CLEC4M: variants seen among roughly 807,000 people sequenced by gnomAD.
The protein encoded by CLEC4M is C-type lectin domain family 4 member M, also known as CD209 antigen-like protein 1.
Under a neutral mutation model 39.1 loss-of-function variants are expected in CLEC4M, and 25 were observed. The ratio of observed to expected loss-of-function variants is 0.64; its 90% CI spans 0.47 to 0.89. The LOEUF is 0.89. Ranked by LOEUF, CLEC4M falls within the 40% of genes least tolerant of loss-of-function variation. The probability of loss-of-function intolerance (pLI) is 0.00; values close to 1 mark genes in which losing one functional copy is unlikely to be tolerated. For synonymous variants in CLEC4M, 155 were observed against 177.4 expected (o/e 0.87, Z 1.00); for missense variants, 353 against 431.4 (o/e 0.82, Z 1.61).
rs1005146414 is a variant in CLEC4M at position 7,767,843 on chromosome 19, C to T, written c.1049+215C>T. ...CCAGCAGAGCTGCAGGAGGAGCTTG[C>T]CCTGTGGGTAGGTGTGTTAAAATAC... On this transcript the variant is annotated intron_variant, in intron 6 of 6. Coordinates refer to ENST00000327325, the MANE Select transcript of CLEC4M (RefSeq NM_014257.5). 10 of 535,342 alleles carry T rather than the reference C, an allele frequency of 1.9e-5. No homozygotes were observed. In the Admixed American group the frequency reaches 2.5e-4, roughly 13 times the overall value. The allele number at this position is 535,342 out of a possible 1,614,324, so 33.2% of individuals were successfully genotyped here. A position where few individuals can be genotyped will look rare whatever the true frequency, so the allele number is the denominator to read the frequency against.
At chr19:7,764,922 T>G (rs903757912) in intron 2 of CLEC4M, among the ~76,000 whole-genome samples, 2 of 151,912 alleles carry the variant, frequency 1.3e-5, no homozygotes, top group Non-Finnish European at 2.9e-5. Flanking sequence ...ACTGGGGAGG[T>G]GGACGCAGGT....
At chr19:7,765,529 G>T (rs999398089) in intron 3 of CLEC4M, 109 bp from the exon 4 acceptor site, 17 of 1,522,938 alleles carry the variant, frequency 1.1e-5, no homozygotes, top group Non-Finnish European at 1.5e-5. Context: ...CTTCAAAGGG[G>T]ATTAACTGAG....
Position 7,766,700 on chromosome 19 carries a change from G to C in CLEC4M, c.829G>C (p.Gly277Arg). ...TCCCAAGGACTGGACATTCTTCCAA[G>C]GAAACTGTTACTTCATGTCTAACTC... ...HCPKDWTFFQ[G>R]NCYFMSNSQR... The change falls in exon 5 of 7, where the codon GGA becomes CGA. Residue 277 changes from glycine (G) to arginine (R), a missense_variant. Transcript: ENST00000327325. The C allele has an allele frequency of 6.2e-7, 1 of 1,614,254 alleles. No homozygotes were observed. Among genetic ancestry groups the C allele is most frequent in the Non-Finnish European group, 8.5e-7 (1 of 1,180,042 alleles).
chr19:7,765,338 G>T lies in CLEC4M; in HGVS notation c.214+70G>T, dbSNP rs1599509389. ...TTTGGCTATGAACAGAGCCTGGAGT[G>T]GCCAGGTCTGGGAGGGAGGTGGGAC... On this transcript the variant is annotated intron_variant, in intron 3 of 6. Transcript: ENST00000327325. 1.9e-6 allele frequency: 3 copies of T among 1,553,142 alleles called. No homozygotes were observed. The East Asian group carries it at 6.7e-5, about 35-fold the overall frequency.
rs201740080 is a variant in CLEC4M, at chr19:7,768,947, T to C, written c.1159T>C (p.Trp387Arg). ...NDNRCDVDNYWICKKPAACFR... is the reference protein window; with the variant it reads ...NDNRCDVDNYRICKKPAACFR... ...CAATCGATGTGACGTTGACAATTAC[T>C]GGATCTGCAAAAAGCCCGCAGCCTG... Residue 387 changes from tryptophan (W) to arginine (R), a missense_variant, in exon 7 of 7, where the codon TGG becomes CGG. By Grantham distance (101) the Trp-to-Arg change is moderately radical (BLOSUM62 -3). Transcript: ENST00000327325. 2.5e-4 allele frequency: 396 copies of C among 1,614,048 alleles called. No homozygotes were observed. Among genetic ancestry groups the C allele is most frequent in the Non-Finnish European group, 3.0e-4 (352 of 1,180,010 alleles).
chr19:7,763,531 G>C, intron 2 of CLEC4M, 55 bp downstream of exon 2: 2 of 1,474,660 alleles, frequency 1.4e-6, no homozygotes, highest in Non-Finnish European at 9.4e-7. Flanking sequence ...AGACCCCTGG[G>C]TCCTGGGGAG....
intron 3 of CLEC4M, 48 bp from the exon 4 acceptor site, chr19:7,765,579 TCAGGGCTTGGC>T: frequency 4.4e-6 from 7 of 1,608,410 alleles, no homozygotes; most frequent in Non-Finnish European, 5.9e-6. Flanking sequence ...GGGGCTCAGT[TCAGGGCTTGGC>T]ACACAGTAGG....
In CLEC4M at chr19:7,766,187, C is replaced by G; in HGVS notation, c.764C>G (p.Thr255Ser). 3 of 1,614,210 alleles carry G rather than the reference C, an allele frequency of 1.9e-6. No individual in the cohort carries two copies. The highest frequency in any genetic ancestry group is 2.5e-6 in the Non-Finnish European group (3 of 1,180,030). ...SKQQQIYQEL[T>S]DLKTAFERLC... is the part of the protein sequence containing the mutation. Reference sequence around the variant, plus strand: ...CAGCAGCAAATCTATCAAGAACTGACCGATTTGAAGACTGCATTTGGTGAG... The same window carrying G: ...CAGCAGCAAATCTATCAAGAACTGAGCGATTTGAAGACTGCATTTGGTGAG... The change falls in exon 4 of 7, where the codon ACC (threonine) becomes AGC (serine). Residue 255 changes from threonine to serine, a missense_variant. Thr to Ser is a moderately conservative substitution (Grantham distance 58). This residue lies in a region of CLEC4M where 196 missense variants were observed against 211.7 expected (regional missense o/e 0.93). Transcript: ENST00000327325.
At position 7,767,643 on chromosome 19, in the gene CLEC4M, A is replaced by G. The variant is rs747739986; in HGVS notation, c.1049+15A>G. ...CTGTCACCCAGGTAGATTCTGGGAG[A>G]AAGGGACACTGTATCCAGTCGGGCT... On this transcript the variant is annotated intron_variant, in intron 6 of 6. Coordinates refer to ENST00000327325, the MANE Select transcript of CLEC4M (RefSeq NM_014257.5). 2 of 1,606,876 alleles carry G rather than the reference A, an allele frequency of 1.2e-6. No individual in the cohort carries two copies. Among genetic ancestry groups the G allele is most frequent in the Non-Finnish European group, 1.7e-6 (2 of 1,173,458 alleles).
intron 2 of CLEC4M, among the ~76,000 whole-genome samples, chr19:7,764,298 TTTC>T (rs771616873): frequency 6.6e-6 from 1 of 151,960 alleles, no homozygotes; most frequent in Non-Finnish European, 1.5e-5. Context: ...CATTACGTCA[TTTC>T]TTATTTTTCA....
intron 2 of CLEC4M, 146 bp from the exon 3 acceptor site, chr19:7,765,039 C>A: frequency 1.3e-6 from 1 of 784,770 alleles, no homozygotes; most frequent in Non-Finnish European, 2.1e-6. Flanking sequence ...GAGGTTAGAG[C>A]TAGGGCCTGG....
rs2277998 is a variant in CLEC4M, at chr19:7,766,742, G to A, written c.871G>A (p.Asp291Asn). ...GTCTAACTCCCAGCGGAACTGGCAC[G>A]ACTCCGTCACCGCCTGCCAGGAAGT... ...FMSNSQRNWH[D>N]SVTACQEVRA... Residue 291 changes from aspartate to asparagine, a missense_variant, in exon 5 of 7, where the codon GAC (aspartate) becomes AAC (asparagine). This residue lies in a region of CLEC4M where 196 missense variants were observed against 211.7 expected (regional missense o/e 0.93). Coordinates refer to ENST00000327325, the MANE Select transcript of CLEC4M (RefSeq NM_014257.5). The A allele has an allele frequency of 0.28, 456,697 of 1,614,058 alleles. 67,733 individuals carry two copies. Among genetic ancestry groups the A allele is most frequent in the Admixed American group, 0.33 (19,606 of 59,994 alleles).
intron 4 of CLEC4M, 89 bp downstream of exon 4, chr19:7,766,296 C>T: frequency 3.2e-6 from 5 of 1,569,602 alleles, no homozygotes; most frequent in Middle Eastern, 1.7e-4. Context: ...GCCTGAGCCT[C>T]AGTTTCCTCC....
rs375341263 is a variant in CLEC4M at position 7,766,829 on chromosome 19, G to A, written c.936+22G>A. 38 of 1,614,120 alleles carry A rather than the reference G, an allele frequency of 2.4e-5. 1 individual carries two copies. Among genetic ancestry groups the A allele is most frequent in the Middle Eastern group, 3.3e-4 (2 of 6,060 alleles). Reference sequence around the variant, plus strand: ...GCAGGTACACGTGGTGGGGGTCCTCGTCCTGGCCTGGGGCATGGCTTCTGG... The same window carrying A: ...GCAGGTACACGTGGTGGGGGTCCTCATCCTGGCCTGGGGCATGGCTTCTGG... On this transcript the variant is annotated intron_variant, in intron 5 of 6. Coordinates refer to ENST00000327325, the MANE Select transcript of CLEC4M (RefSeq NM_014257.5).
chr19:7,767,710 C>T lies in CLEC4M; in HGVS notation c.1049+82C>T, dbSNP rs144738156. On this transcript the variant is annotated intron_variant, in intron 6 of 6. Transcript: ENST00000327325. ...GACTTGAGCTTTCCCTGGGGGTCCC[C>T]CCCAACCTCCCTGACCCCATAGGAC... The T allele has an allele frequency of 1.3e-4, 161 of 1,200,186 alleles. 1 individual carries two copies. In the East Asian group the frequency reaches 1.7e-3, roughly 13 times the overall value. The allele number at this position is 1,200,186 out of a possible 1,614,324, so 74.3% of individuals were successfully genotyped here. A position where few individuals can be genotyped will look rare whatever the true frequency, so the allele number is the denominator to read the frequency against.
chr19:7,767,976 C>A (rs966039887), intron 6 of CLEC4M: 9 of 188,094 alleles, frequency 4.8e-5, no homozygotes, highest in African/African-American at 2.1e-4. Context: ...CTAGAGGGCG[C>A]ACATTTCACA....
At chr19:7,767,897 G>T in intron 6 of CLEC4M, 1 of 331,444 alleles carries the variant, frequency 3.0e-6, no homozygotes, top group East Asian at 5.1e-5. Flanking sequence ...CTGAAGTCTA[G>T]TAAGGCCACC....
In CLEC4M at chr19:7,767,145, G is replaced by GT. The variant is rs2034313641; in HGVS notation, c.936+338_936+339insT. The GT allele has an allele frequency of 8.9e-6, 4 of 447,538 alleles. No individual in the cohort carries two copies. The Admixed American group carries it at 1.4e-4, about 15-fold the overall frequency. The allele number at this position is 447,538 out of a possible 1,614,324, so 27.7% of individuals were successfully genotyped here. A position where few individuals can be genotyped will look rare whatever the true frequency, so the allele number is the denominator to read the frequency against. The stretch of plus-strand genomic sequence containing the variant: ...TCCACTGCGGCTGATTTCAAGCTGT[G>GT]ATGTGCTGTCACTCAGTGCAGAGCT... On this transcript the variant is annotated intron_variant, in intron 5 of 6. Transcript: ENST00000327325.
chr19:7,763,404 A>G lies in CLEC4M; in HGVS notation c.58A>G (p.Thr20Ala), dbSNP rs926747363. 5 of 1,614,080 alleles carry G rather than the reference A, an allele frequency of 3.1e-6. No individual in the cohort carries two copies. Among genetic ancestry groups the G allele is most frequent in the Non-Finnish European group, 4.2e-6 (5 of 1,179,956 alleles). Residue 20 changes from threonine to alanine, a missense_variant, in exon 2 of 7, where the codon ACA (threonine) becomes GCA (alanine). Physicochemically the swap from Thr to Ala is moderately conservative, Grantham distance 58 (BLOSUM62 0). Transcript: ENST00000327325. ...QQLGLLEEDP[T>A]TSGIRLFPRD... ...GTCTGTCAATTCAGAAGAAGATCCA[A>G]CAACCAGTGGCATCAGACTTTTTCC...
Sources: gnomAD v4.1 joint callset for allele counts (sites outside exome capture counted in the v4.1 genomes callset) on GRCh38, gnomAD v4.1.1 for gene constraint, gnomAD v4.1.1 regional missense constraint, MANE v1.5 for transcripts, NCBI Gene and HGNC (gene_info 2026-07-23, HGNC 2026-07-21) for gene names.